Variants in C16orf89 observed in about 807,000 individuals in gnomAD.
The protein encoded by C16orf89 is UPF0764 protein C16orf89.
In C16orf89, 57 loss-of-function variants were observed where a neutral mutation model predicts 41.5. The observed-to-expected ratio is 1.38, with a 90% confidence interval of 1.11 to 1.71. The LOEUF is 1.71. Ranked by LOEUF, C16orf89 falls within the 40% of genes most tolerant of loss-of-function variation. The probability of loss-of-function intolerance (pLI) is 0.00; values close to 1 mark genes in which losing one functional copy is unlikely to be tolerated. For synonymous variants in C16orf89, 223 were observed against 190.6 expected, an observed-to-expected ratio of 1.17 and a Z score of -1.40; for missense variants, 575 against 445.9, an observed-to-expected ratio of 1.29 and a Z score of -2.61.
chr16:5,057,393 A>G (rs1177032275), intron 4 of C16orf89, among the ~76,000 whole-genome samples: 1 of 147,910 alleles, frequency 6.8e-6, no homozygotes, highest in African/African-American at 2.5e-5. Context: ...TGGTATATAT[A>G]TAGTGGTATA....
At chr16:5,051,793 T>C (rs1051344817) in intron 6 of C16orf89, among the ~76,000 whole-genome samples, 2 of 152,110 alleles carry the variant, frequency 1.3e-5, no homozygotes, top group Non-Finnish European at 2.9e-5. Flanking sequence ...CAAAATATGC[T>C]TCAAGGCTAT....
chr16:5,051,316 C>CA (rs937314362), intron 6 of C16orf89, among the ~76,000 whole-genome samples: 23 of 152,126 alleles, frequency 1.5e-4, no homozygotes, highest in Admixed American at 5.2e-4. Context: ...AAAGCTCCAC[C>CA]AAAAAAACTC....
At chr16:5,055,847 A>G (rs965356907) in intron 5 of C16orf89, 2 of 1,314,762 alleles carry the variant, frequency 1.5e-6, no homozygotes, top group African/African-American at 2.9e-5. Flanking sequence ...AATAGTTGGG[A>G]TAAACTTATA....
At chr16:5,049,163 A>G (rs1028748991) in intron 6 of C16orf89, among the ~76,000 whole-genome samples, 6 of 152,236 alleles carry the variant, frequency 3.9e-5, no homozygotes, top group Admixed American at 2.0e-4. Flanking sequence ...AGGACATAAC[A>G]ATTCAAAAAA....
intron 6 of C16orf89, among the ~76,000 whole-genome samples, chr16:5,049,757 G>T (rs572659465): frequency 2.0e-5 from 3 of 152,030 alleles, no homozygotes; most frequent in East Asian, 3.8e-4. Context: ...AAAGCAGAAA[G>T]ATTTCAAATA....
intron 6 of C16orf89, among the ~76,000 whole-genome samples, chr16:5,048,823 C>G (rs1956349196): frequency 6.6e-6 from 1 of 151,666 alleles, no homozygotes. Context: ...TAGAAGATAA[C>G]CAGAAAACAA....
At chr16:5,055,937 CCGTGTGTGTGTGTGTGTGTGTG>C in intron 5 of C16orf89, 94 bp downstream of exon 5, 1 of 1,107,526 alleles carries the variant, frequency 9.0e-7, no homozygotes, top group Non-Finnish European at 1.3e-6. Flanking sequence ...TCTGGCAACT[CCGTGTGTGTGTGTGTGTGTGTG>C]TGTGTGTGTG....
At chr16:5,057,399 GTATA>G (rs1431011915) in intron 4 of C16orf89, among the ~76,000 whole-genome samples, 1 of 144,792 alleles carries the variant, frequency 6.9e-6, no homozygotes, top group Non-Finnish European at 1.5e-5. Context: ...ATATATAGTG[GTATA>G]TATATAGTGG....
Position 5,055,362 on chromosome 16 carries a change from G to C in C16orf89, c.764-12C>G. 6.3e-7 allele frequency: 1 copy of C among 1,592,930 alleles called. No individual in the cohort carries two copies. The highest frequency in any genetic ancestry group is 8.6e-7 in the Non-Finnish European group (1 of 1,166,182). On this transcript the variant is annotated splice_polypyrimidine_tract_variant and intron_variant, in intron 5 of 7. Coordinates refer to ENST00000472572, the MANE Select transcript of C16orf89 (RefSeq NM_001098514.3). Reference sequence around the variant, plus strand: ...TCCACAGAACATGACTGGAAGTAAAGACGGGGGCCCTCTGCAGGCCTGCCC... The same window carrying C: ...TCCACAGAACATGACTGGAAGTAAACACGGGGGCCCTCTGCAGGCCTGCCC...
intron 6 of C16orf89, among the ~76,000 whole-genome samples, chr16:5,050,687 C>CA (rs1418031147): frequency 2.0e-5 from 3 of 152,114 alleles, no homozygotes; most frequent in Non-Finnish European, 4.4e-5. Flanking sequence ...AAAGCAACAA[C>CA]AAAAAAACTA....
At chr16:5,056,268 A>G in intron 4 of C16orf89, 80 bp from the exon 5 acceptor site, 2 of 1,392,862 alleles carry the variant, frequency 1.4e-6, no homozygotes, top group Admixed American at 2.0e-5. Flanking sequence ...AAAGTCTTGC[A>G]GTTCTGAGAC....
chr16:5,045,762 C>A (rs1237871289), intron 7 of C16orf89, among the ~76,000 whole-genome samples: 2 of 152,124 alleles, frequency 1.3e-5, no homozygotes, highest in Non-Finnish European at 2.9e-5. Flanking sequence ...AGAAGCGGGA[C>A]TCGAACCCAC....
At chr16:5,059,021 C>T (rs567813320) in intron 3 of C16orf89, among the ~76,000 whole-genome samples, 6 of 152,204 alleles carry the variant, frequency 3.9e-5, no homozygotes, top group African/African-American at 1.4e-4. Context: ...AGGCAAGTCA[C>T]CTGAGGTCAG....
chr16:5,059,848 TTGGAGGTAGGATGCTGGCGCCAGCCC>T (rs1250533257), intron 3 of C16orf89, among the ~76,000 whole-genome samples: 3 of 150,586 alleles, frequency 2.0e-5, no homozygotes, highest in Non-Finnish European at 4.4e-5. Flanking sequence ...TAGGATGGGG[TTGGAGGTAGGATGCTGGCGCCAGCCC>T]TGGAGGATGG....
At position 5,062,585 on chromosome 16, in the gene C16orf89, A is replaced by G. The variant is rs1449665467; in HGVS notation, c.209-11T>C. 5.7e-6 allele frequency: 9 copies of G among 1,591,012 alleles called. No individual in the cohort carries two copies. Among genetic ancestry groups the G allele is most frequent in the Non-Finnish European group, 7.7e-6 (9 of 1,170,234 alleles). ...CACTTTTTAGCTGCTCTGGAAGGGA[A>G]CAGAGTTAATTCATTCAACTATTTG... is the stretch of plus-strand genomic sequence containing the variant. On this transcript the variant is annotated splice_polypyrimidine_tract_variant and intron_variant, in intron 1 of 7. Coordinates refer to ENST00000472572, the MANE Select transcript of C16orf89 (RefSeq NM_001098514.3).
intron 6 of C16orf89, among the ~76,000 whole-genome samples, chr16:5,051,588 G>C (rs1310381328): frequency 6.6e-6 from 1 of 152,114 alleles, no homozygotes; most frequent in Non-Finnish European, 1.5e-5. Context: ...CATGTTTATG[G>C]ATTGGAAGAA....
intron 1 of C16orf89, 24 bp downstream of exon 1, chr16:5,065,677 C>A: frequency 6.3e-7 from 1 of 1,597,836 alleles, no homozygotes; most frequent in South Asian, 1.1e-5. Context: ...CAGTGTCCAG[C>A]CAGAGGAATT....
intron 6 of C16orf89, among the ~76,000 whole-genome samples, chr16:5,052,516 A>G (rs1956416477): frequency 1.3e-5 from 2 of 151,962 alleles, no homozygotes; most frequent in South Asian, 4.2e-4. Context: ...TCTTGAACCC[A>G]GGAGGCAGAG....
chr16:5,055,615 C>G lies in C16orf89; in HGVS notation c.764-265G>C, dbSNP rs1199856135. ...CAGTGGAGGAGTTTGGACACCCCAG[C>G]CAGCTAGCAGCCTCCCAAGCGCTCC... is the stretch of plus-strand genomic sequence containing the variant. On this transcript the variant is annotated intron_variant, in intron 5 of 7. Coordinates refer to ENST00000472572, the MANE Select transcript of C16orf89 (RefSeq NM_001098514.3). 4 of 1,424,134 alleles carry G rather than the reference C, an allele frequency of 2.8e-6. No homozygotes were observed. In the African/African-American group the frequency reaches 5.7e-5, roughly 20 times the overall value. The allele number at this position is 1,424,134 out of a possible 1,614,324, so 88.2% of individuals were successfully genotyped here.
Sources: allele counts gnomAD v4.1 joint callset (sites outside exome capture counted in the v4.1 genomes callset), GRCh38; gene constraint gnomAD v4.1.1; transcripts MANE v1.5; gene names NCBI Gene and HGNC (gene_info 2026-07-23, HGNC 2026-07-21).